Variants in MTAP observed in about 807,000 individuals in gnomAD.
MTAP encodes the protein methylthioadenosine phosphorylase.
A neutral mutation model predicts 33.6 loss-of-function variants in MTAP; 33 were observed. The ratio of observed to expected loss-of-function variants is 0.98; its 90% CI spans 0.74 to 1.31. MTAP has a LOEUF of 1.31. MTAP is among the 40% of genes most tolerant of loss of function. The probability of loss-of-function intolerance (pLI) is 0.00; values close to 1 mark genes in which losing one functional copy is unlikely to be tolerated. For missense variants in MTAP, 367 were observed against 360.0 expected (o/e 1.02, Z -0.16); for synonymous variants, 148 against 125.7 (o/e 1.18, Z -1.19).
At chr9:21,806,866 A>G (rs1252270061) in intron 1 of MTAP, among the ~76,000 whole-genome samples, 1 of 152,058 alleles carries the variant, frequency 6.6e-6, no homozygotes, top group Non-Finnish European at 1.5e-5. Flanking sequence ...ATTCTGGGAG[A>G]TTAAAAATAA....
At chr9:21,826,122 A>T (rs137900219) in intron 4 of MTAP, among the ~76,000 whole-genome samples, 1 of 151,808 alleles carries the variant, frequency 6.6e-6, no homozygotes, top group East Asian at 1.9e-4. Context: ...TTTTAAACAT[A>T]TACACAAAAG....
At chr9:21,888,362 A>G (rs111644260) in intron 1 of MTAP, among the ~76,000 whole-genome samples, 2,129 of 152,082 alleles carry the variant, frequency 0.014, 41 homozygotes, top group East Asian at 0.057. Context: ...GTTTAAGTCT[A>G]TTGTTTCTTT....
At chr9:21,929,771 G>A in intron 1 of MTAP, 1 of 215,764 alleles carries the variant, frequency 4.6e-6, no homozygotes, top group Non-Finnish European at 9.6e-6. Flanking sequence ...CATCCACAAG[G>A]CACCTCTCAT....
intron 3 of MTAP, among the ~76,000 whole-genome samples, chr9:21,817,131 G>C (rs1824496007): frequency 6.6e-6 from 1 of 152,204 alleles, no homozygotes; most frequent in South Asian, 2.1e-4. Flanking sequence ...TTATATGTCT[G>C]TGGGAAGTAG....
intron 3 of MTAP, among the ~76,000 whole-genome samples, chr9:21,817,230 G>C (rs1824497670): frequency 6.6e-6 from 1 of 152,168 alleles, no homozygotes; most frequent in African/African-American, 2.4e-5. Flanking sequence ...AGGAGGCCAA[G>C]TCATTTTTAT....
intron 1 of MTAP, chr9:21,803,036 A>ACACACCCACACACACACG: frequency 9.6e-7 from 1 of 1,039,826 alleles, no homozygotes; most frequent in Admixed American, 3.9e-5. Flanking sequence ...ACACACACAC[A>ACACACCCACACACACACG]CCACCTTTTG....
At chr9:21,824,906 C>CCCTCCGAGCTATGCAT (rs1563835390) in intron 4 of MTAP, among the ~76,000 whole-genome samples, 141 of 152,294 alleles carry the variant, frequency 9.3e-4, no homozygotes, top group African/African-American at 3.2e-3. Flanking sequence ...GAGCTATGCA[C>CCCTCCGAGCTATGCAT]GGGATATAAT....
At chr9:21,815,397 A>G in intron 1 of MTAP, 36 bp from the exon 2 acceptor site, 1 of 1,385,740 alleles carries the variant, frequency 7.2e-7, no homozygotes, top group East Asian at 2.3e-5. Flanking sequence ...AAAAATTACC[A>G]AATACAATAA....
At chr9:21,837,833 C>A in intron 4 of MTAP, 75 bp from the exon 5 acceptor site, 3 of 1,184,440 alleles carry the variant, frequency 2.5e-6, no homozygotes, top group Admixed American at 1.9e-5. Flanking sequence ...ATAAAGTTGA[C>A]TCACCAGCCC....
At chr9:21,842,899 G>C (rs754750199) in intron 5 of MTAP, among the ~76,000 whole-genome samples, 11 of 152,152 alleles carry the variant, frequency 7.2e-5, no homozygotes, top group Non-Finnish European at 1.3e-4. Context: ...GAATAGAACA[G>C]TACCTCACAT....
chr9:21,920,226 A>G (rs1392028483), intron 1 of MTAP, among the ~76,000 whole-genome samples: 3 of 152,156 alleles, frequency 2.0e-5, no homozygotes, highest in Admixed American at 1.3e-4. Flanking sequence ...GAACATAGCA[A>G]TGAGGATCAA....
intron 5 of MTAP, among the ~76,000 whole-genome samples, chr9:21,852,469 T>G (rs1472500474): frequency 1.4e-5 from 2 of 141,166 alleles, no homozygotes; most frequent in African/African-American, 5.6e-5. Context: ...AAGATCGCAC[T>G]AATGCATTCC....
chr9:21,888,737 C>A (rs1004245458), intron 1 of MTAP, among the ~76,000 whole-genome samples: 1 of 152,056 alleles, frequency 6.6e-6, no homozygotes, highest in South Asian at 2.1e-4. Context: ...CTCTTGAAGA[C>A]TTATTTTCCT....
chr9:21,827,220 TC>T (rs1210569802), intron 4 of MTAP, among the ~76,000 whole-genome samples: 1 of 152,086 alleles, frequency 6.6e-6, no homozygotes, highest in Non-Finnish European at 1.5e-5. Flanking sequence ...CAGAGTTAAA[TC>T]ATTTGGGGAT....
At chr9:21,859,081 G>A (rs2118550949) in intron 6 of MTAP, 1 of 427,642 alleles carries the variant, frequency 2.3e-6, no homozygotes. Flanking sequence ...GGCCTCTTTT[G>A]TAAGATCACT....
intron 4 of MTAP, among the ~76,000 whole-genome samples, chr9:21,828,127 T>C (rs1489838645): frequency 6.6e-6 from 1 of 152,240 alleles, no homozygotes; most frequent in African/African-American, 2.4e-5. Flanking sequence ...TGCCATCAGA[T>C]CTGGTTTCAT....
chr9:21,886,954 GT>G (rs1563859788), intron 1 of MTAP, among the ~76,000 whole-genome samples: 2 of 152,110 alleles, frequency 1.3e-5, no homozygotes, highest in East Asian at 3.9e-4. Flanking sequence ...TTTTAGGATT[GT>G]TTTTTCTAGT....
intron 1 of MTAP, among the ~76,000 whole-genome samples, chr9:21,914,059 TG>T (rs1446142608): frequency 6.6e-6 from 1 of 152,036 alleles, no homozygotes; most frequent in African/African-American, 2.4e-5. Context: ...ATCAGAGAAA[TG>T]CAAATCAAAA....
chr9:21,853,996 T>C (rs865989456), intron 5 of MTAP, among the ~76,000 whole-genome samples: 47 of 152,330 alleles, frequency 3.1e-4, no homozygotes, highest in African/African-American at 1.1e-3. Flanking sequence ...TTTTCAATGA[T>C]GTTTCTAAAA....
Sources: allele counts gnomAD v4.1 joint callset (sites outside exome capture counted in the v4.1 genomes callset), GRCh38; gene constraint gnomAD v4.1.1; transcripts MANE v1.5; gene names NCBI Gene and HGNC (gene_info 2026-07-23, HGNC 2026-07-21).